The following SCGB2B2 variants were observed in gnomAD, a reference collection of about 807,000 sequenced individuals.
SCGB2B2 encodes the protein secretoglobin family 2B member 2.
A neutral mutation model predicts 7.6 loss-of-function variants in SCGB2B2; 11 were observed. The observed-to-expected ratio is 1.45, with a 90% confidence interval of 0.91 to 2.40. The LOEUF is 2.40. Ranked by LOEUF, SCGB2B2 falls within the 30% of genes most tolerant of loss-of-function variation. The pLI is 0.00. For synonymous variants in SCGB2B2, 50 were observed against 48.6 expected (o/e 1.03, Z -0.12); for missense variants, 104 against 115.4 (o/e 0.90, Z 0.45).
intron 1 of SCGB2B2, among the ~76,000 whole-genome samples, chr19:34,668,651 G>A (rs1600072913): frequency 1.3e-5 from 2 of 152,194 alleles, no homozygotes; most frequent in East Asian, 1.9e-4. Context: ...TCTAGCTAAC[G>A]GATTGTAAAT....
At chr19:34,594,053 G>T in intron 3 of SCGB2B2, 122 bp downstream of exon 3, 2 of 787,322 alleles carry the variant, frequency 2.5e-6, no homozygotes, top group Non-Finnish European at 4.1e-6. Context: ...CTGATTTTGC[G>T]CATCCTGGGA....
intron 1 of SCGB2B2, among the ~76,000 whole-genome samples, chr19:34,628,897 A>G (rs996761453): frequency 3.3e-5 from 5 of 151,998 alleles, no homozygotes; most frequent in African/African-American, 4.8e-5. Context: ...CGAATCCAGC[A>G]GCACATCAAA....
Position 34,667,834 on chromosome 19 carries a change from A to T in SCGB2B2, c.-2032+7796T>A, listed in dbSNP as rs1207126693. 2.6e-5 allele frequency among the ~76,000 whole-genome samples: 4 copies of T among 151,766 alleles called. No individual in the cohort carries two copies. In the East Asian group the frequency reaches 7.8e-4, roughly 29 times the overall value. Reference sequence around the variant, plus strand: ...CACGTGCCCCTCCCCCCACACCCATACTCACTAGGGCCCTGGGTGGAGCTT... The same window carrying T: ...CACGTGCCCCTCCCCCCACACCCATTCTCACTAGGGCCCTGGGTGGAGCTT... On this transcript the variant is annotated intron_variant, in intron 1 of 3. Coordinates refer to ENST00000601241, the MANE Select transcript of SCGB2B2 (RefSeq NM_001025591.4).
intron 1 of SCGB2B2, among the ~76,000 whole-genome samples, chr19:34,625,108 C>G (rs1449629388): frequency 6.6e-6 from 1 of 152,144 alleles, no homozygotes; most frequent in African/African-American, 2.4e-5. Flanking sequence ...CAGTTTGCAG[C>G]AAAACCCTTA....
chr19:34,597,487 C>G (rs1225800432), intron 1 of SCGB2B2, among the ~76,000 whole-genome samples: 3 of 152,208 alleles, frequency 2.0e-5, no homozygotes, highest in African/African-American at 4.8e-5. Context: ...CCACTTTCAG[C>G]CATCTCAGCC....
At chr19:34,645,004 G>A (rs1406010062) in intron 1 of SCGB2B2, among the ~76,000 whole-genome samples, 1 of 152,232 alleles carries the variant, frequency 6.6e-6, no homozygotes, top group Non-Finnish European at 1.5e-5. Context: ...TGTCTTCAGA[G>A]CTGAAAGTGC....
chr19:34,609,863 C>T (rs925390841), intron 1 of SCGB2B2, among the ~76,000 whole-genome samples: 8 of 151,944 alleles, frequency 5.3e-5, no homozygotes, highest in African/African-American at 1.2e-4. Flanking sequence ...GTGAAGATGT[C>T]GTTGGTATTT....
At chr19:34,621,414 G>A (rs891791583) in intron 1 of SCGB2B2, among the ~76,000 whole-genome samples, 1 of 151,820 alleles carries the variant, frequency 6.6e-6, no homozygotes, top group Non-Finnish European at 1.5e-5. Flanking sequence ...ATGAGGAAAA[G>A]AGAGATGTCT....
At chr19:34,615,551 T>C (rs2066050513) in intron 1 of SCGB2B2, among the ~76,000 whole-genome samples, 1 of 152,054 alleles carries the variant, frequency 6.6e-6, no homozygotes, top group Non-Finnish European at 1.5e-5. Flanking sequence ...TGTAGTTGTT[T>C]ATTCATATTC....
In SCGB2B2 at chr19:34,591,339, C is replaced by T. The variant is rs1011417740; in HGVS notation, c.*2216G>A. On this transcript the variant is annotated 3_prime_UTR_variant, in exon 4 of 4. Coordinates refer to ENST00000601241, the MANE Select transcript of SCGB2B2 (RefSeq NM_001025591.4). ...TTTTGATTCCCCTTCTCTCCACATC[C>T]TCTCCCCATATTCAATTCAACAGCA... Among the ~76,000 whole-genome samples the T allele has an allele frequency of 2.6e-5, 4 of 152,196 alleles. No individual in the cohort carries two copies. Among genetic ancestry groups the T allele is most frequent in the African/African-American group, 4.8e-5 (2 of 41,456 alleles).
intron 1 of SCGB2B2, among the ~76,000 whole-genome samples, chr19:34,647,058 G>C (rs1331917197): frequency 6.6e-6 from 1 of 151,758 alleles, no homozygotes; most frequent in Non-Finnish European, 1.5e-5. Flanking sequence ...CTGGAGGCTG[G>C]GAAACCTTGC....
At chr19:34,665,597 T>C (rs2067593315) in intron 1 of SCGB2B2, among the ~76,000 whole-genome samples, 1 of 128,062 alleles carries the variant, frequency 7.8e-6, no homozygotes, top group African/African-American at 2.6e-5. Flanking sequence ...TGCAGTGTGG[T>C]GGGTGGGATG....
chr19:34,618,332 T>G (rs2066146458), intron 1 of SCGB2B2, among the ~76,000 whole-genome samples: 2 of 152,218 alleles, frequency 1.3e-5, no homozygotes, highest in African/African-American at 4.8e-5. Flanking sequence ...TTACAACCCT[T>G]TACAATTTTC....
intron 1 of SCGB2B2, among the ~76,000 whole-genome samples, chr19:34,612,273 G>A (rs558782800): frequency 5.3e-5 from 8 of 151,452 alleles, no homozygotes; most frequent in African/African-American, 1.7e-4. Flanking sequence ...TCCTGACATC[G>A]TGATCCGCCC....
At chr19:34,604,060 A>G (rs1053673729) in intron 1 of SCGB2B2, among the ~76,000 whole-genome samples, 2 of 151,972 alleles carry the variant, frequency 1.3e-5, no homozygotes, top group Non-Finnish European at 2.9e-5. Flanking sequence ...GTCAGTTGTT[A>G]GCAGATTAAT....
Position 34,654,950 on chromosome 19 carries a change from C to T in SCGB2B2, c.-2032+20680G>A, listed in dbSNP as rs1021478890. On this transcript the variant is annotated intron_variant, in intron 1 of 3. Transcript: ENST00000601241. ...TGTGCAGCAGGCAGGAAGAATCCTT[C>T]GGGCACTTACACCACTCCAATCTTA... is the stretch of plus-strand genomic sequence containing the variant. 6.6e-5 allele frequency among the ~76,000 whole-genome samples: 10 copies of T among 151,364 alleles called. 1 individual carries two copies. The highest frequency in any genetic ancestry group is 3.3e-4 in the Admixed American group (5 of 15,276).
At chr19:34,658,819 A>AC (rs1314668755) in intron 1 of SCGB2B2, among the ~76,000 whole-genome samples, 264 of 101,380 alleles carry the variant, frequency 2.6e-3, no homozygotes, top group Middle Eastern at 0.015. Context: ...ACAACAAAAA[A>AC]AAAAAAAAAA....
At chr19:34,661,647 C>G (rs2067460455) in intron 1 of SCGB2B2, among the ~76,000 whole-genome samples, 1 of 152,144 alleles carries the variant, frequency 6.6e-6, no homozygotes, top group African/African-American at 2.4e-5. Context: ...AAACTATGTC[C>G]CTCTATGGGG....
intron 1 of SCGB2B2, chr19:34,637,603 T>C (rs1305662551): frequency 6.1e-6 from 1 of 163,778 alleles, no homozygotes; most frequent in Admixed American, 6.5e-5. Flanking sequence ...ACAGGCAAAA[T>C]CATAAAAAAA....
Sources: allele counts gnomAD v4.1 joint callset (sites outside exome capture counted in the v4.1 genomes callset), GRCh38; gene constraint gnomAD v4.1.1; transcripts MANE v1.5; gene names NCBI Gene and HGNC (gene_info 2026-07-23, HGNC 2026-07-21).